Variants in KALRN observed in about 807,000 individuals in gnomAD.
KALRN encodes the protein kalirin RhoGEF kinase, also known as kalirin.
Under a neutral mutation model 353.7 loss-of-function variants are expected in KALRN, and 70 were observed. The observed-to-expected ratio is 0.20, with a 90% CI of 0.16 to 0.24. The LOEUF (loss-of-function observed/expected upper bound fraction) is 0.24. KALRN is among the 10% of genes least tolerant of loss of function. KALRN has a pLI of 1.00. For synonymous variants in KALRN, 1,391 were observed against 1,434.8 expected, an observed-to-expected ratio of 0.97 and a Z score of 0.69; for missense variants, 2,791 against 3,756.7, an observed-to-expected ratio of 0.74 and a Z score of 6.72.
intron 11 of KALRN, among the ~76,000 whole-genome samples, chr3:124,391,128 A>G (rs1048213823): frequency 6.6e-6 from 1 of 152,198 alleles, no homozygotes; most frequent in African/African-American, 2.4e-5. Context: ...ATCTACATGT[A>G]TATATCAGCA....
intron 1 of KALRN, among the ~76,000 whole-genome samples, chr3:124,161,960 TG>T (rs995147573): frequency 6.6e-6 from 1 of 152,188 alleles, no homozygotes; most frequent in Non-Finnish European, 1.5e-5. Flanking sequence ...ACTTACAGTT[TG>T]GGGTTTAAAT....
intron 6 of KALRN, among the ~76,000 whole-genome samples, chr3:124,320,592 G>T (rs184736340): frequency 6.6e-6 from 1 of 152,358 alleles, no homozygotes; most frequent in Non-Finnish European, 1.5e-5. Context: ...ATGAGGACAA[G>T]ATGGCCCCAC....
chr3:124,223,394 T>A (rs781377178), intron 1 of KALRN, among the ~76,000 whole-genome samples: 3 of 152,160 alleles, frequency 2.0e-5, no homozygotes, highest in Non-Finnish European at 4.4e-5. Flanking sequence ...GAGTAAGGCT[T>A]CTATACTGGA....
intron 21 of KALRN, among the ~76,000 whole-genome samples, chr3:124,454,866 A>G (rs568698437): frequency 6.6e-5 from 10 of 152,210 alleles, no homozygotes; most frequent in Non-Finnish European, 1.5e-4. Context: ...AAACCACACC[A>G]TGTTATATAA....
intron 3 of KALRN, among the ~76,000 whole-genome samples, chr3:124,239,095 T>C (rs11720960): frequency 0.055 from 8,297 of 152,234 alleles, 328 homozygotes; most frequent in South Asian, 0.1. Flanking sequence ...TTATCTAACA[T>C]TTTTTTGTCC....
intron 48 of KALRN, among the ~76,000 whole-genome samples, chr3:124,673,944 A>C (rs1471005851): frequency 6.6e-6 from 1 of 152,122 alleles, no homozygotes; most frequent in African/African-American, 2.4e-5. Context: ...AATATCAAAC[A>C]ATCCGTGTTC....
At position 124,690,253 on chromosome 3, in the gene KALRN, C is replaced by G. The variant is rs921236898; in HGVS notation, c.7378-3551C>G. Reference sequence around the variant, plus strand: ...TAAATAAAACAATATGGTCCTTGTCCTCATGGGCCCTGCAGTCCATAGGGA... The same window carrying G: ...TAAATAAAACAATATGGTCCTTGTCGTCATGGGCCCTGCAGTCCATAGGGA... On this transcript the variant is annotated intron_variant, in intron 51 of 59. Transcript: ENST00000682506. Among the ~76,000 whole-genome samples the G allele has an allele frequency of 2.0e-5, 3 of 152,182 alleles. No individual in the cohort carries two copies. The South Asian group carries it at 6.3e-4, about 32-fold the overall frequency.
Position 124,697,612 on chromosome 3 carries a change from C to G in KALRN, c.7719C>G (p.Asn2573Lys). 6.2e-7 allele frequency: 1 copy of G among 1,609,700 alleles called. No individual in the cohort carries two copies. The highest frequency in any genetic ancestry group is 1.1e-5 in the South Asian group (1 of 89,912). ...CCATAGGTGTTCCAGCAGCCCCTAACCGCCCCATTGCCCAGGAGAGAAGCT... is the reference window on the plus strand; with the variant it reads ...CCATAGGTGTTCCAGCAGCCCCTAAGCGCCCCATTGCCCAGGAGAGAAGCT... ...VKVQGVPAAP[N>K]RPIAQERSCT... Residue 2573 changes from asparagine to lysine, a missense_variant, in exon 55 of 60, where the codon AAC becomes AAG. Asn to Lys is a moderately conservative substitution (Grantham distance 94, BLOSUM62 0). Coordinates refer to ENST00000682506, the MANE Select transcript of KALRN (RefSeq NM_001388419.1).
intron 1 of KALRN, among the ~76,000 whole-genome samples, chr3:124,037,424 G>A (rs2039532669): frequency 6.6e-6 from 1 of 152,170 alleles, no homozygotes; most frequent in African/African-American, 2.4e-5. Context: ...TGAGGAATGG[G>A]AAACAGGATT....
chr3:124,397,936 C>G (rs1366494258), intron 12 of KALRN, among the ~76,000 whole-genome samples: 1 of 152,204 alleles, frequency 6.6e-6, no homozygotes, highest in Non-Finnish European at 1.5e-5. Context: ...ATACATGTTA[C>G]TGGTCTTAGT....
chr3:124,518,324 A>AGG (rs2066856300), intron 33 of KALRN: 1 of 1,262,368 alleles, frequency 7.9e-7, no homozygotes, highest in African/African-American at 1.5e-5. Flanking sequence ...TCTGTTTTCT[A>AGG]TAAGGGCTAC....
intron 58 of KALRN, among the ~76,000 whole-genome samples, chr3:124,713,957 G>A (rs544649940): frequency 2.6e-5 from 4 of 151,992 alleles, no homozygotes; most frequent in African/African-American, 4.8e-5. Context: ...TTGCGTGCTT[G>A]TTAGTCTAGG....
In KALRN at chr3:124,525,598, C is replaced by G. The variant is rs544985916; in HGVS notation, c.4935+29185C>G. Among the ~76,000 whole-genome samples, 7 of 152,266 alleles carry G rather than the reference C, an allele frequency of 4.6e-5. No homozygotes were observed. In the South Asian group the frequency reaches 1.5e-3, roughly 32 times the overall value. On this transcript the variant is annotated intron_variant, in intron 33 of 59. Coordinates refer to ENST00000682506, the MANE Select transcript of KALRN (RefSeq NM_001388419.1). ...GTTGCTCTGGTGTCTCACAGATTCA[C>G]GAGGACTTGCCTGGGATCTTGGCCT...
rs527839295 is a variant in KALRN at position 124,122,755 on chromosome 3, C to G, written c.73+88942C>G. 2.6e-5 allele frequency among the ~76,000 whole-genome samples: 4 copies of G among 152,278 alleles called. No homozygotes were observed. In the South Asian group the frequency reaches 8.3e-4, roughly 32 times the overall value. On this transcript the variant is annotated intron_variant, in intron 1 of 59. Transcript: ENST00000682506. ...CTCATCTCTCCCTCTCTTCTCAGGC[C>G]TCTTTATTCCCTGAGACGCAATAAT...
At chr3:124,502,418 C>G (rs1361649943) in intron 33 of KALRN, among the ~76,000 whole-genome samples, 2 of 151,998 alleles carry the variant, frequency 1.3e-5, no homozygotes, top group Non-Finnish European at 2.9e-5. Flanking sequence ...CCAACAGGCA[C>G]AAGAGCTGGG....
intron 1 of KALRN, chr3:124,133,157 TAAAAA>T (rs927140422): frequency 6.6e-6 from 1 of 151,980 alleles, no homozygotes; most frequent in African/African-American, 2.4e-5. Flanking sequence ...ATTTAAAAAT[TAAAAA>T]AAATATATCC....
intron 10 of KALRN, among the ~76,000 whole-genome samples, chr3:124,379,427 A>G (rs1309490075): frequency 6.6e-6 from 1 of 152,164 alleles, no homozygotes; most frequent in Non-Finnish European, 1.5e-5. Flanking sequence ...GATACCAGAC[A>G]TCGTGAGTTT....
At chr3:124,618,911 C>T (rs1419544982) in intron 34 of KALRN, among the ~76,000 whole-genome samples, 1 of 152,172 alleles carries the variant, frequency 6.6e-6, no homozygotes, top group Non-Finnish European at 1.5e-5. Flanking sequence ...TCCACTAATT[C>T]TTGCTGGCCA....
At chr3:124,154,470 GACAA>G (rs1314090283) in intron 1 of KALRN, among the ~76,000 whole-genome samples, 5 of 152,152 alleles carry the variant, frequency 3.3e-5, no homozygotes, top group Admixed American at 6.5e-5. Flanking sequence ...ACGAATAACA[GACAA>G]ACAGAGAGCC....
Sources: allele counts gnomAD v4.1 joint callset (sites outside exome capture counted in the v4.1 genomes callset), GRCh38; gene constraint gnomAD v4.1.1; transcripts MANE v1.5; gene names NCBI Gene and HGNC (gene_info 2026-07-23, HGNC 2026-07-21).